ENTREP2: variants seen among roughly 807,000 people sequenced by gnomAD.
ENTREP2 encodes the protein endosomal transmembrane epsin interactor 2, also known as protein ENTREP2.
At chr15:29,132,211 G>A in the ENTREP2 span, among the ~76,000 whole-genome samples, 3 of 152,212 alleles carry the variant, frequency 2.0e-5, no homozygotes, top group Non-Finnish European at 2.9e-5. Context: ...GGGTCGTGCT[G>A]TGAAGGGGTG....
At chr15:29,364,959 C>G in the ENTREP2 span, among the ~76,000 whole-genome samples, 1 of 152,156 alleles carries the variant, frequency 6.6e-6, no homozygotes, top group Non-Finnish European at 1.5e-5. Flanking sequence ...TTAGGGTCCA[C>G]TCTTGGTGTT....
chr15:29,346,498 A>G, the ENTREP2 span, among the ~76,000 whole-genome samples: 1 of 152,190 alleles, frequency 6.6e-6, no homozygotes, highest in African/African-American at 2.4e-5. Context: ...GTCAGTGTAG[A>G]GCCTCTGGTT....
At chr15:29,447,695 G>T in the ENTREP2 span, among the ~76,000 whole-genome samples, 1 of 147,710 alleles carries the variant, frequency 6.8e-6, no homozygotes, top group African/African-American at 2.5e-5. Context: ...TCGCCATGTT[G>T]CCCAAGCTGG....
At chr15:29,346,671 C>T in the ENTREP2 span, among the ~76,000 whole-genome samples, 6 of 152,282 alleles carry the variant, frequency 3.9e-5, no homozygotes, top group East Asian at 7.7e-4. Context: ...CATCCAAATT[C>T]GTATTTCACT....
the ENTREP2 span, among the ~76,000 whole-genome samples, chr15:29,349,092 GTCT>G: frequency 6.6e-6 from 1 of 152,208 alleles, no homozygotes; most frequent in Non-Finnish European, 1.5e-5. Flanking sequence ...CTACGGCGGT[GTCT>G]TCTTTCCAGA....
chr15:29,163,415 G>A, the ENTREP2 span, among the ~76,000 whole-genome samples: 485 of 151,944 alleles, frequency 3.2e-3, 1 homozygote, highest in Non-Finnish European at 5.3e-3. Flanking sequence ...TCCAAAAAAC[G>A]ATACAAGAAG....
At chr15:29,235,515 GA>G in the ENTREP2 span, among the ~76,000 whole-genome samples, 1 of 152,036 alleles carries the variant, frequency 6.6e-6, no homozygotes, top group Non-Finnish European at 1.5e-5. Context: ...AAGCCTCAAA[GA>G]AAAAATCAAG....
At chr15:29,155,301 A>G in the ENTREP2 span, among the ~76,000 whole-genome samples, 1 of 142,110 alleles carries the variant, frequency 7.0e-6, no homozygotes, top group African/African-American at 2.8e-5. Flanking sequence ...AAAAAAAAAA[A>G]AAGAAGAAGC....
chr15:29,518,511 ACAT>A, the ENTREP2 span, among the ~76,000 whole-genome samples: 1 of 152,192 alleles, frequency 6.6e-6, no homozygotes, highest in African/African-American at 2.4e-5. Context: ...CGTGCCATGG[ACAT>A]GAGGAGGGAG....
At chr15:29,384,161 G>A in the ENTREP2 span, among the ~76,000 whole-genome samples, 1 of 152,120 alleles carries the variant, frequency 6.6e-6, no homozygotes, top group African/African-American at 2.4e-5. Context: ...GCCTTTCTTG[G>A]AAGGAGATGA....
the ENTREP2 span, among the ~76,000 whole-genome samples, chr15:29,489,692 T>C: frequency 1.3e-5 from 2 of 152,156 alleles, no homozygotes; most frequent in African/African-American, 2.4e-5. Flanking sequence ...ACAGTACCCG[T>C]CCATCAGAGC....
the ENTREP2 span, among the ~76,000 whole-genome samples, chr15:29,444,170 C>CAAAGAAAGAAAG: frequency 1.7e-4 from 12 of 71,542 alleles, no homozygotes; most frequent in East Asian, 9.3e-4. Context: ...GAAAGACAGA[C>CAAAGAAAGAAAG]AAAGAAAGAA....
At chr15:29,274,689 C>T in the ENTREP2 span, among the ~76,000 whole-genome samples, 1 of 152,184 alleles carries the variant, frequency 6.6e-6, no homozygotes, top group Non-Finnish European at 1.5e-5. Context: ...GTTGTATATA[C>T]TGCAGGGGAG....
the ENTREP2 span, among the ~76,000 whole-genome samples, chr15:29,584,391 C>T: frequency 6.6e-6 from 1 of 152,052 alleles, no homozygotes; most frequent in African/African-American, 2.4e-5. Flanking sequence ...ATGGAATCAA[C>T]CTAATCATCC....
the ENTREP2 span, among the ~76,000 whole-genome samples, chr15:29,433,713 C>G: frequency 6.6e-6 from 1 of 151,122 alleles, no homozygotes; most frequent in Non-Finnish European, 1.5e-5. Context: ...CAGACCCCTT[C>G]TCTGCTACTG....
At chr15:29,239,038 T>C in the ENTREP2 span, among the ~76,000 whole-genome samples, 1 of 152,100 alleles carries the variant, frequency 6.6e-6, no homozygotes, top group Non-Finnish European at 1.5e-5. Context: ...TTTTGTTTTT[T>C]GAAAAAAATC....
chr15:29,183,266 G>T, the ENTREP2 span, among the ~76,000 whole-genome samples: 5 of 152,186 alleles, frequency 3.3e-5, no homozygotes, highest in African/African-American at 9.7e-5. Context: ...AAACCAGGGA[G>T]TTAGCAGATC....
the ENTREP2 span, among the ~76,000 whole-genome samples, chr15:29,291,382 G>A: frequency 6.6e-6 from 1 of 152,098 alleles, no homozygotes; most frequent in Non-Finnish European, 1.5e-5. Context: ...CTGCTACTGG[G>A]GTCAGATGGA....
At chr15:29,486,544 A>G in the ENTREP2 span, among the ~76,000 whole-genome samples, 1 of 152,172 alleles carries the variant, frequency 6.6e-6, no homozygotes, top group Non-Finnish European at 1.5e-5. Context: ...CATAAAAATT[A>G]GCCTGGCGTG....
Sources: allele counts gnomAD v4.1 joint callset (sites outside exome capture counted in the v4.1 genomes callset), GRCh38; gene constraint gnomAD v4.1.1; transcripts MANE v1.5; gene names NCBI Gene and HGNC (gene_info 2026-07-23, HGNC 2026-07-21).